The following HIVEP2 variants were observed in gnomAD, a reference collection of about 807,000 sequenced individuals.
The protein encoded by HIVEP2 is HIVEP zinc finger 2.
A neutral mutation model predicts 180.7 loss-of-function variants in HIVEP2; 14 were observed. The observed-to-expected ratio is 0.08, with a 90% CI of 0.05 to 0.12. The LOEUF is 0.12. Among genes scored for constraint, HIVEP2 ranks in the 10% least tolerant of loss-of-function variants. The pLI, the probability that HIVEP2 is intolerant of heterozygous loss-of-function variation, is 1.00. For synonymous variants in HIVEP2, 1,184 were observed against 1,136.4 expected (o/e 1.04, Z -0.84); for missense variants, 2,579 against 3,008.5 (o/e 0.86, Z 3.34).
intron 1 of HIVEP2, among the ~76,000 whole-genome samples, chr6:142,867,508 T>C (rs1218065543): frequency 6.6e-6 from 1 of 152,186 alleles, no homozygotes; most frequent in Non-Finnish European, 1.5e-5. Flanking sequence ...GTACACAGAA[T>C]CTGAACACAT....
At chr6:142,784,981 G>A (rs1007919659) in intron 2 of HIVEP2, among the ~76,000 whole-genome samples, 6 of 151,886 alleles carry the variant, frequency 4.0e-5, no homozygotes, top group African/African-American at 9.7e-5. Context: ...TCTGCCTCCC[G>A]GGTTCACGCC....
intron 1 of HIVEP2, among the ~76,000 whole-genome samples, chr6:142,914,871 T>C (rs1413616425): frequency 6.6e-6 from 1 of 152,214 alleles, no homozygotes; most frequent in Non-Finnish European, 1.5e-5. Context: ...GCAGGTTTTC[T>C]TCTCCGGTAA....
In HIVEP2 at chr6:142,774,539, C is replaced by T. The variant is rs1299657893; in HGVS notation, c.200G>A (p.Gly67Glu). 1 of 1,614,042 alleles carries T rather than the reference C, an allele frequency of 6.2e-7. No homozygotes were observed. Among genetic ancestry groups the T allele is most frequent in the African/African-American group, 1.3e-5 (1 of 74,904 alleles). ...CACTTCACTAGGGGAGGCCAGTTTC[C>T]CAGAACCAAACAGTTGTGCTGATGC... ...NTASAQLFGS[G>E]KLASPSEVVQ... Residue 67 changes from glycine (G) to glutamate (E), a missense_variant, in exon 5 of 10, where the codon GGG becomes GAG. Gly to Glu is a moderately conservative substitution (Grantham distance 98). Around this residue, in one of 11 missense-constraint regions of HIVEP2, gnomAD observed 207 missense variants for 210.1 expected, o/e 0.99. Transcript: ENST00000367603. The surrounding 1 kb of genome is among the most constrained non-coding windows in gnomAD (Gnocchi z 5.1).
At chr6:142,835,445 G>T (rs1321493441) in intron 2 of HIVEP2, among the ~76,000 whole-genome samples, 1 of 152,162 alleles carries the variant, frequency 6.6e-6, no homozygotes, top group Admixed American at 6.5e-5. Flanking sequence ...AGCCAAACTT[G>T]GGAGTAGATG....
chr6:142,800,273 C>T (rs1312946932), intron 2 of HIVEP2, among the ~76,000 whole-genome samples: 1 of 152,104 alleles, frequency 6.6e-6, no homozygotes, highest in African/African-American at 2.4e-5. Flanking sequence ...CAATTAACAA[C>T]CATGGTATCA....
At chr6:142,920,968 G>A (rs962537642) in intron 1 of HIVEP2, among the ~76,000 whole-genome samples, 1 of 152,108 alleles carries the variant, frequency 6.6e-6, no homozygotes, top group African/African-American at 2.4e-5. Flanking sequence ...GAGTGACAGA[G>A]GGAGATCCTG....
intron 1 of HIVEP2, among the ~76,000 whole-genome samples, chr6:142,903,904 A>T (rs1777196897): frequency 6.6e-6 from 1 of 152,222 alleles, no homozygotes; most frequent in Non-Finnish European, 1.5e-5. Flanking sequence ...CTTAGTAGCA[A>T]TTTGATACTT....
intron 1 of HIVEP2, among the ~76,000 whole-genome samples, chr6:142,893,073 T>A (rs753803329): frequency 6.6e-6 from 1 of 152,168 alleles, no homozygotes. Flanking sequence ...AAACAATTAG[T>A]CCTTTCATTC....
intron 2 of HIVEP2, among the ~76,000 whole-genome samples, chr6:142,820,750 T>G (rs1777011989): frequency 6.6e-6 from 1 of 152,172 alleles, no homozygotes; most frequent in Non-Finnish European, 1.5e-5. Context: ...GTACTGTGCA[T>G]GCCTGGCAAA....
intron 2 of HIVEP2, among the ~76,000 whole-genome samples, chr6:142,822,340 G>A (rs897086698): frequency 1.3e-5 from 2 of 152,110 alleles, no homozygotes; most frequent in Non-Finnish European, 2.9e-5. Context: ...AAGCAAACTT[G>A]TTGATAGTAA....
intron 2 of HIVEP2, among the ~76,000 whole-genome samples, chr6:142,802,954 T>A (rs187588497): frequency 1.8e-4 from 28 of 152,240 alleles, no homozygotes; most frequent in Admixed American, 1.7e-3. Flanking sequence ...TAAAATAAAT[T>A]GAGTTTAAAG....
At chr6:142,843,754 C>T (rs1300948231) in intron 1 of HIVEP2, among the ~76,000 whole-genome samples, 5 of 152,074 alleles carry the variant, frequency 3.3e-5, no homozygotes, top group African/African-American at 9.7e-5. Flanking sequence ...GGTAGTTTTG[C>T]CTTAGTCTTA....
intron 1 of HIVEP2, among the ~76,000 whole-genome samples, chr6:142,890,943 G>C (rs543898503): frequency 6.6e-6 from 1 of 152,060 alleles, no homozygotes; most frequent in Non-Finnish European, 1.5e-5. Flanking sequence ...AGTCATTACC[G>C]GTGGTGTAGT....
Position 142,772,986 on chromosome 6 carries a change from G to C in HIVEP2, c.1753C>G (p.Pro585Ala), listed in dbSNP as rs760840468. 3.3e-5 allele frequency: 53 copies of C among 1,614,190 alleles called. No homozygotes were observed. Among genetic ancestry groups the C allele is most frequent in the Non-Finnish European group, 4.5e-5 (53 of 1,180,054 alleles). ...DVFYPGTVGI[P>A]PQRMLRRQAA... The stretch of plus-strand genomic sequence containing the variant: ...TGTCTTCTTAGCATGCGCTGAGGGG[G>C]TATGCCCACGGTCCCTGGATAGAAT... The change falls in exon 5 of 10, where the codon CCC becomes GCC. Residue 585 changes from proline to alanine, a missense_variant. By Grantham distance (27) the Pro-to-Ala change is conservative. Coordinates refer to ENST00000367603, the MANE Select transcript of HIVEP2 (RefSeq NM_006734.4). This position sits in a 1 kb window ranked among gnomAD's most constrained non-coding sequence, Gnocchi z 4.9.
At chr6:142,866,215 T>C (rs1019611210) in intron 1 of HIVEP2, among the ~76,000 whole-genome samples, 1 of 152,176 alleles carries the variant, frequency 6.6e-6, no homozygotes, top group Non-Finnish European at 1.5e-5. Flanking sequence ...TTATTTAGTT[T>C]CCTGCCTCCT....
Position 142,773,232 on chromosome 6 carries a change from T to C in HIVEP2, c.1507A>G (p.Arg503Gly). ...LKSTKFNSES[R>G]QPQIIPSSIR... ...GATGATGGAATAATCTGGGGTTGTC[T>C]GGACTCACTGTTGAACTTAGTGGAT... The change falls in exon 5 of 10, where the codon AGA becomes GGA. Residue 503 changes from arginine (R) to glycine (G), a missense_variant. Coordinates refer to ENST00000367603, the MANE Select transcript of HIVEP2 (RefSeq NM_006734.4). 1 of 1,614,206 alleles carries C rather than the reference T, an allele frequency of 6.2e-7. No individual in the cohort carries two copies. The highest frequency in any genetic ancestry group is 1.1e-5 in the South Asian group (1 of 91,082).
chr6:142,896,044 A>T (rs1015722621), intron 1 of HIVEP2, among the ~76,000 whole-genome samples: 1 of 152,228 alleles, frequency 6.6e-6, no homozygotes, highest in African/African-American at 2.4e-5. Flanking sequence ...ATTACTAACA[A>T]TGCAAGAGAT....
At chr6:142,797,262 A>T (rs972341327) in intron 2 of HIVEP2, among the ~76,000 whole-genome samples, 24 of 152,132 alleles carry the variant, frequency 1.6e-4, no homozygotes, top group Admixed American at 7.9e-4. Context: ...TTAAAAAAAA[A>T]TTTTTTAGAA....
intron 1 of HIVEP2, among the ~76,000 whole-genome samples, chr6:142,917,679 T>C (rs997141741): frequency 6.6e-6 from 1 of 152,146 alleles, no homozygotes; most frequent in Non-Finnish European, 1.5e-5. Context: ...CTAATCCATA[T>C]CCCAAATAAT....
Sources: gnomAD v4.1 joint callset for allele counts (sites outside exome capture counted in the v4.1 genomes callset) on GRCh38, gnomAD v4.1.1 for gene constraint, gnomAD v4.1.1 regional missense constraint, Gnocchi (gnomAD v3.1) non-coding constraint, MANE v1.5 for transcripts, NCBI Gene and HGNC (gene_info 2026-07-23, HGNC 2026-07-21) for gene names.